The following DGKG variants were observed in gnomAD, a reference collection of about 807,000 sequenced individuals.
DGKG encodes the protein diacylglycerol kinase gamma.
Under a neutral mutation model 105.3 loss-of-function variants are expected in DGKG, and 78 were observed. The observed-to-expected ratio is 0.74, with a 90% CI of 0.62 to 0.89. The LOEUF (loss-of-function observed/expected upper bound fraction) is 0.89, where lower values mean the gene tolerates loss of function less well. DGKG is among the 40% of genes least tolerant of loss of function. The pLI is 0.00. For missense variants in DGKG, 958 were observed against 1,020.1 expected, an observed-to-expected ratio of 0.94 and a Z score of 0.83; for synonymous variants, 346 against 367.1, an observed-to-expected ratio of 0.94 and a Z score of 0.66.
At chr3:186,227,192 T>TA (rs1223869268) in intron 20 of DGKG, among the ~76,000 whole-genome samples, 2 of 152,226 alleles carry the variant, frequency 1.3e-5, no homozygotes, top group Admixed American at 1.3e-4. Flanking sequence ...GCCTTTAAAT[T>TA]AGAGATTCTA....
chr3:186,150,033 G>T lies in DGKG; in HGVS notation c.*57C>A. On this transcript the variant is annotated 3_prime_UTR_variant, in exon 25 of 25. Transcript: ENST00000265022. ...GAGTGTGCACATAAATTGTGTGTGA[G>T]TGTGCATTATAGTTTCTTGCTTTCT... 6.4e-7 allele frequency: 1 copy of T among 1,570,386 alleles called. No homozygotes were observed. Among genetic ancestry groups the T allele is most frequent in the African/African-American group, 1.4e-5 (1 of 72,916 alleles).
intron 3 of DGKG, chr3:186,306,605 T>C (rs1204041752): frequency 3.1e-6 from 1 of 319,762 alleles, no homozygotes; most frequent in African/African-American, 2.1e-5. Context: ...ATCTGTTCTG[T>C]TTGTTCTATT....
rs912707100 is a variant in DGKG at position 186,279,854 on chromosome 3, G to A, written c.789C>T (p.Asp263=). ...IPLLVLLGMD[D]SGSKGDGRHA... ...GAACTCCAGCTTGTTGACTTACAGAGTCATCCATCCCCAGGAGGACCAGCA... is the reference window on the plus strand; with the variant it reads ...GAACTCCAGCTTGTTGACTTACAGAATCATCCATCCCCAGGAGGACCAGCA... The change falls in exon 9 of 25, where the codon GAC becomes GAT. Residue 263 remains aspartate, a synonymous_variant. Coordinates refer to ENST00000265022, the MANE Select transcript of DGKG (RefSeq NM_001346.3). The A allele has an allele frequency of 1.9e-6, 3 of 1,613,534 alleles. No individual in the cohort carries two copies. The highest frequency in any genetic ancestry group is 2.5e-6 in the Non-Finnish European group (3 of 1,179,820).
intron 5 of DGKG, among the ~76,000 whole-genome samples, chr3:186,293,783 G>A (rs113873927): frequency 6.6e-6 from 1 of 152,310 alleles, no homozygotes; most frequent in Non-Finnish European, 1.5e-5. Context: ...TCAGCAGATG[G>A]CCTGATTGAA....
intron 20 of DGKG, among the ~76,000 whole-genome samples, chr3:186,215,945 C>CT (rs989415205): frequency 5.3e-5 from 8 of 151,544 alleles, no homozygotes; most frequent in Non-Finnish European, 1.2e-4. Flanking sequence ...CTGTGTAGGG[C>CT]TTGGAGATAA....
At chr3:186,297,912 C>T in intron 4 of DGKG, 152 bp downstream of exon 4, 3 of 824,224 alleles carry the variant, frequency 3.6e-6, no homozygotes. Flanking sequence ...CCGTAAGGCA[C>T]TATGAGGAAA....
At chr3:186,270,427 G>T (rs1366683469) in intron 11 of DGKG, among the ~76,000 whole-genome samples, 2 of 152,226 alleles carry the variant, frequency 1.3e-5, no homozygotes, top group Non-Finnish European at 2.9e-5. Flanking sequence ...ACTGCACTTG[G>T]TCCAAGAATA....
At chr3:186,197,615 T>C (rs765096135) in intron 21 of DGKG, among the ~76,000 whole-genome samples, 3 of 152,156 alleles carry the variant, frequency 2.0e-5, no homozygotes, top group Non-Finnish European at 4.4e-5. Context: ...TGAATTAGCT[T>C]GGCAGGTTGG....
chr3:186,276,254 G>A (rs943454048), intron 9 of DGKG, among the ~76,000 whole-genome samples: 9 of 152,276 alleles, frequency 5.9e-5, no homozygotes, highest in African/African-American at 2.2e-4. Flanking sequence ...ATATTTATAA[G>A]ACTATCTAAT....
intron 21 of DGKG, among the ~76,000 whole-genome samples, chr3:186,196,137 CTTT>C (rs71164579): frequency 1.4e-4 from 18 of 131,076 alleles, no homozygotes; most frequent in East Asian, 2.2e-4. Context: ...CTTTTTCTTT[CTTT>C]TTTTTTTTTT....
intron 5 of DGKG, among the ~76,000 whole-genome samples, chr3:186,295,858 C>A (rs1382680781): frequency 6.6e-6 from 1 of 152,006 alleles, no homozygotes; most frequent in Non-Finnish European, 1.5e-5. Context: ...GTGGCTCATG[C>A]CTGTAATCCC....
chr3:186,148,508 G>A lies in DGKG; in HGVS notation c.*1582C>T, dbSNP rs996778637. The A allele has an allele frequency of 1.5e-5, 15 of 985,302 alleles. No homozygotes were observed. In the Admixed American group the frequency reaches 7.4e-4, roughly 48 times the overall value. The allele number at this position is 985,302 out of a possible 1,614,324, so 61.0% of individuals were successfully genotyped here. A position where few individuals can be genotyped will look rare whatever the true frequency, so the allele number is the denominator to read the frequency against. ...TATCCCATCCACGCATGTGCTGTAC[G>A]TTTGTTCCTCCCTGGCAACCTGGAT... On this transcript the variant is annotated 3_prime_UTR_variant, in exon 25 of 25. Transcript: ENST00000265022.
chr3:186,302,434 C>A (rs1009379083), intron 3 of DGKG, among the ~76,000 whole-genome samples: 3 of 141,922 alleles, frequency 2.1e-5, no homozygotes, highest in Non-Finnish European at 4.6e-5. Context: ...GAAGAAGACA[C>A]AGATTGGAAA....
Position 186,290,703 on chromosome 3 carries a change from C to G in DGKG, c.374-1823G>C, listed in dbSNP as rs1041626815. ...CTCTGAGTGGAGGTGAAGCTGGAAT[C>G]TGGAGCCCACAGTGGCTAGGATTCA... is the stretch of plus-strand genomic sequence containing the variant. On this transcript the variant is annotated intron_variant, in intron 5 of 24. Coordinates refer to ENST00000265022, the MANE Select transcript of DGKG (RefSeq NM_001346.3). Among the ~76,000 whole-genome samples the G allele has an allele frequency of 2.0e-5, 3 of 152,312 alleles. No individual in the cohort carries two copies. In the East Asian group the frequency reaches 5.8e-4, roughly 29 times the overall value.
At chr3:186,154,644 C>CAAA (rs60767699) in intron 24 of DGKG, among the ~76,000 whole-genome samples, 6 of 39,936 alleles carry the variant, frequency 1.5e-4, no homozygotes, top group African/African-American at 3.5e-4. Context: ...GACTCTGTCT[C>CAAA]AAAAAAAAAA....
chr3:186,163,053 T>G (rs1349726044), intron 23 of DGKG, among the ~76,000 whole-genome samples: 1 of 152,180 alleles, frequency 6.6e-6, no homozygotes, highest in Non-Finnish European at 1.5e-5. Context: ...TTTCGCAGGC[T>G]GGAGTACAGT....
chr3:186,304,759 T>C (rs1161775349), intron 3 of DGKG, among the ~76,000 whole-genome samples: 1 of 152,202 alleles, frequency 6.6e-6, no homozygotes, highest in East Asian at 1.9e-4. Context: ...TTTTTTGTTA[T>C]GTACAGTTTA....
intron 22 of DGKG, among the ~76,000 whole-genome samples, chr3:186,184,838 A>G (rs1717544004): frequency 6.6e-6 from 1 of 152,128 alleles, no homozygotes; most frequent in Non-Finnish European, 1.5e-5. Context: ...TAAGAATCGC[A>G]ACACATGAAG....
At position 186,149,382 on chromosome 3, in the gene DGKG, G is replaced by T; in HGVS notation, c.*708C>A. On this transcript the variant is annotated 3_prime_UTR_variant, in exon 25 of 25. Transcript: ENST00000265022. ...GTGTGCTATGCAGGCAGCTCTGGGG[G>T]CTCTTGGAGCCGCCTCTAAGCAAAC... The T allele has an allele frequency of 6.1e-6, 6 of 985,432 alleles. No homozygotes were observed. The highest frequency in any genetic ancestry group is 7.2e-6 in the Non-Finnish European group (6 of 829,940). 61.0% of individuals were successfully genotyped at this position (985,432 alleles called of 1,614,324 possible).
Sources: allele counts gnomAD v4.1 joint callset (sites outside exome capture counted in the v4.1 genomes callset), GRCh38; gene constraint gnomAD v4.1.1; transcripts MANE v1.5; gene names NCBI Gene and HGNC (gene_info 2026-07-23, HGNC 2026-07-21).